The following LRR1 variants were observed in gnomAD, a reference collection of about 807,000 sequenced individuals.
LRR1 encodes leucine rich repeat protein 1.
A neutral mutation model predicts 31.6 loss-of-function variants in LRR1; 29 were observed. The ratio of observed to expected loss-of-function variants is 0.92; its 90% CI spans 0.68 to 1.25. The LOEUF (loss-of-function observed/expected upper bound fraction) is 1.25, where lower values mean the gene tolerates loss of function less well. LRR1 is among the 50% of genes most tolerant of loss of function. The pLI, the probability that LRR1 is intolerant of heterozygous loss-of-function variation, is 0.00. For synonymous variants in LRR1, 179 were observed against 181.4 expected, an observed-to-expected ratio of 0.99 and a Z score of 0.10; for missense variants, 485 against 487.2, an observed-to-expected ratio of 1.00 and a Z score of 0.04.
intron 2 of LRR1, among the ~76,000 whole-genome samples, chr14:49,603,002 AT>A (rs34024087): frequency 2.1e-3 from 297 of 139,466 alleles, no homozygotes; most frequent in Admixed American, 3.2e-3. Context: ...TGCGTGGCTG[AT>A]TTTTTTTTTT....
intron 1 of LRR1, chr14:49,601,711 C>T: frequency 1.6e-6 from 2 of 1,282,308 alleles, no homozygotes; most frequent in South Asian, 2.5e-5. Flanking sequence ...AGAAAAGGAG[C>T]ATTCTCTCAA....
Position 49,612,616 on chromosome 14 carries a change from G to T in LRR1, c.1005-1640G>T, listed in dbSNP as rs983575060. The T allele has an allele frequency of 5.6e-6, 6 of 1,072,930 alleles. No individual in the cohort carries two copies. The South Asian group carries it at 1.2e-4, about 22-fold the overall frequency. The allele number at this position is 1,072,930 out of a possible 1,614,324, so 66.5% of individuals were successfully genotyped here. A position where few individuals can be genotyped will look rare whatever the true frequency, so the allele number is the denominator to read the frequency against. On this transcript the variant is annotated intron_variant, in intron 3 of 3. Coordinates refer to ENST00000298288, the MANE Select transcript of LRR1 (RefSeq NM_152329.4). Reference sequence around the variant, plus strand: ...TGCAAATAGGGCCATCCTAGATCCCGTACCAAAGGTAACCGCTGTTTTTTT... The same window carrying T: ...TGCAAATAGGGCCATCCTAGATCCCTTACCAAAGGTAACCGCTGTTTTTTT...
At chr14:49,600,189 G>A in intron 1 of LRR1, 4 of 1,474,222 alleles carry the variant, frequency 2.7e-6, no homozygotes, top group Non-Finnish European at 3.8e-6. Flanking sequence ...TAACACCGCC[G>A]GACAGGAAGA....
intron 3 of LRR1, among the ~76,000 whole-genome samples, chr14:49,609,620 G>A (rs944113626): frequency 6.6e-6 from 1 of 151,680 alleles, no homozygotes; most frequent in Non-Finnish European, 1.5e-5. Flanking sequence ...TGTTGTCCAG[G>A]CTGGTCTTGA....
rs760776774 is a variant in LRR1 at position 49,614,256 on chromosome 14, G to T, written c.1005G>T (p.Arg335Ser). Residue 335 changes from arginine (R) to serine (S), a missense_variant and splice_region_variant, in exon 4 of 4, where the codon AGG becomes AGT. Around this residue, in one of 3 missense-constraint regions of LRR1, gnomAD observed 210 missense variants for 200.4 expected, o/e 1.05. Coordinates refer to ENST00000298288, the MANE Select transcript of LRR1 (RefSeq NM_152329.4). ...ESSARTILHN[R>S]IPYGSHIIPF... ...ATATTTTTATCATTCTTTCCAATAG[G>T]ATTCCATATGGCTCTCATATCATTC... The T allele has an allele frequency of 2.8e-5, 45 of 1,609,834 alleles. No individual in the cohort carries two copies. The highest frequency in any genetic ancestry group is 1.6e-4 in the Middle Eastern group (1 of 6,076).
rs1323252824 is a variant in LRR1 at position 49,614,592 on chromosome 14, A to G, written c.*96A>G. 1.3e-6 allele frequency: 2 copies of G among 1,506,992 alleles called. No individual in the cohort carries two copies. The highest frequency in any genetic ancestry group is 1.8e-6 in the Non-Finnish European group (2 of 1,091,272). 93.4% of individuals were successfully genotyped at this position (1,506,992 alleles called of 1,614,324 possible). On this transcript the variant is annotated 3_prime_UTR_variant, in exon 4 of 4. Transcript: ENST00000298288. ...AATTGGAGTAAGGGAAGATTTCTGT[A>G]TACTTGCTGGAGAGGAGGAATGTGT... is the stretch of plus-strand genomic sequence containing the variant.
rs1471407399 is a variant in LRR1 at position 49,607,936 on chromosome 14, C to A, written c.819C>A (p.Asn273Lys). The A allele has an allele frequency of 6.2e-7, 1 of 1,614,036 alleles. No individual in the cohort carries two copies. The highest frequency in any genetic ancestry group is 2.2e-5 in the East Asian group (1 of 44,882). ...QFPCKIGQLI[N>K]LRFLSAARNK... ...CTTGCAAGATAGGACAACTAATAAA[C>A]CTTCGCTTTTTGTCAGCAGCTCGAA... The change falls in exon 3 of 4, where the codon AAC (asparagine) becomes AAA (lysine). Residue 273 changes from asparagine to lysine, a missense_variant. This residue lies in a region of LRR1 where 210 missense variants were observed against 200.4 expected (regional missense o/e 1.05). Transcript: ENST00000298288.
chr14:49,600,990 T>C (rs1882032485), intron 1 of LRR1: 1 of 1,604,646 alleles, frequency 6.2e-7, no homozygotes, highest in Admixed American at 1.7e-5. Flanking sequence ...CACAAAGAAA[T>C]ATCTCCCTTT....
At chr14:49,603,708 T>TTTTTTTTTTG in intron 2 of LRR1, 1 of 607,586 alleles carries the variant, frequency 1.6e-6, no homozygotes, top group South Asian at 5.9e-5. Context: ...TTTTTTTTTT[T>TTTTTTTTTTG]AATGAGACAG....
intron 2 of LRR1, among the ~76,000 whole-genome samples, 184 bp downstream of exon 2, chr14:49,602,652 G>A (rs1245918885): frequency 6.6e-6 from 1 of 151,870 alleles, no homozygotes; most frequent in African/African-American, 2.4e-5. Context: ...CACCACTCCC[G>A]GATAAATTTT....
At position 49,614,120 on chromosome 14, in the gene LRR1, A is replaced by G. The variant is rs912173643; in HGVS notation, c.1005-136A>G. On this transcript the variant is annotated intron_variant, in intron 3 of 3. Coordinates refer to ENST00000298288, the MANE Select transcript of LRR1 (RefSeq NM_152329.4). ...ATCTGAAGTTTACAATATGTCATAT[A>G]TTGTTTTTTAGTATATTTTAAATAT... 1.6e-5 allele frequency: 14 copies of G among 868,404 alleles called. No homozygotes were observed. The South Asian group carries it at 2.7e-4, about 17-fold the overall frequency. The allele number at this position is 868,404 out of a possible 1,614,324, so 53.8% of individuals were successfully genotyped here. A position where few individuals can be genotyped will look rare whatever the true frequency, so the allele number is the denominator to read the frequency against.
At chr14:49,608,406 A>ATTTTGT (rs1882373201) in intron 3 of LRR1, among the ~76,000 whole-genome samples, 1 of 21,066 alleles carries the variant, frequency 4.7e-5, no homozygotes, top group Non-Finnish European at 8.2e-5. Context: ...ACATTGCTTG[A>ATTTTGT]TTTTTTTTTT....
Position 49,601,747 on chromosome 14 carries a change from A to T in LRR1, c.184-623A>T, listed in dbSNP as rs1257834751. On this transcript the variant is annotated intron_variant, in intron 1 of 3. Transcript: ENST00000298288. ...AACATGGTGATCCTGTTCTCAAAGG[A>T]GAGTTACTGGACAGACAGAGCAGTA... 3.3e-6 allele frequency: 4 copies of T among 1,206,968 alleles called. No homozygotes were observed. In the Admixed American group the frequency reaches 9.3e-5, roughly 28 times the overall value. 74.8% of individuals were successfully genotyped at this position (1,206,968 alleles called of 1,614,324 possible).
At chr14:49,603,681 C>CTTTTTTT (rs1192131820) in intron 2 of LRR1, 17 of 674,938 alleles carry the variant, frequency 2.5e-5, no homozygotes, top group South Asian at 1.6e-4. Flanking sequence ...GTAATCATTC[C>CTTTTTTT]TTTTTTTTTT....
At chr14:49,612,583 T>G in intron 3 of LRR1, 3 of 1,169,634 alleles carry the variant, frequency 2.6e-6, no homozygotes, top group Non-Finnish European at 3.2e-6. Flanking sequence ...TATGAAAAAT[T>G]TAAAAATTGC....
chr14:49,604,352 T>G (rs919293083), intron 2 of LRR1, among the ~76,000 whole-genome samples: 3 of 151,544 alleles, frequency 2.0e-5, no homozygotes, highest in African/African-American at 7.3e-5. Flanking sequence ...ACTGGCTGGG[T>G]GCAGTGGCTC....
chr14:49,601,019 T>C (rs560241564), intron 1 of LRR1: 1 of 1,610,526 alleles, frequency 6.2e-7, no homozygotes, highest in South Asian at 1.1e-5. Flanking sequence ...TAATTGTTCT[T>C]GTATGTAAGT....
chr14:49,601,260 T>C (rs1355625085), intron 1 of LRR1: 1 of 1,179,980 alleles, frequency 8.5e-7, no homozygotes, highest in Non-Finnish European at 1.2e-6. Flanking sequence ...ACTTGCCTTG[T>C]CTTGATATTT....
chr14:49,606,654 T>A (rs1046486198), intron 2 of LRR1, among the ~76,000 whole-genome samples: 2 of 149,346 alleles, frequency 1.3e-5, no homozygotes, highest in East Asian at 4.0e-4. Context: ...CTCAAATTTT[T>A]TTTTTTTTTT....
Sources: allele counts gnomAD v4.1 joint callset (sites outside exome capture counted in the v4.1 genomes callset), GRCh38; gene constraint gnomAD v4.1.1; regional missense constraint gnomAD v4.1.1; transcripts MANE v1.5; gene names NCBI Gene and HGNC (gene_info 2026-07-23, HGNC 2026-07-21).